DIP2C: variants seen among roughly 807,000 people sequenced by gnomAD.
DIP2C encodes disco-interacting protein 2 homolog C.
Under a neutral mutation model 192.4 loss-of-function variants are expected in DIP2C, and 33 were observed. The ratio of observed to expected loss-of-function variants is 0.17; its 90% CI spans 0.13 to 0.23. The LOEUF (loss-of-function observed/expected upper bound fraction) is 0.23. Ranked by LOEUF, DIP2C falls within the 10% of genes least tolerant of loss-of-function variation. The probability of loss-of-function intolerance (pLI) is 1.00; values close to 1 mark genes in which losing one functional copy is unlikely to be tolerated. For synonymous variants in DIP2C, 979 were observed against 864.1 expected (o/e 1.13, Z -2.33); for missense variants, 1,537 against 2,110.1 (o/e 0.73, Z 5.32).
intron 12 of DIP2C, 84 bp from the exon 13 acceptor site, chr10:390,177 A>C: frequency 6.3e-7 from 1 of 1,587,536 alleles, no homozygotes; most frequent in Non-Finnish European, 8.6e-7. Flanking sequence ...CAAGTCCCTG[A>C]ATTTTGGCAC....
intron 29 of DIP2C, among the ~76,000 whole-genome samples, chr10:339,937 G>A (rs563636338): frequency 3.7e-4 from 57 of 152,202 alleles, no homozygotes; most frequent in South Asian, 6.2e-4. Flanking sequence ...GTGCGGTGGC[G>A]CACGAGGGCG....
chr10:606,065 C>T (rs914468681), intron 1 of DIP2C, among the ~76,000 whole-genome samples: 1 of 152,248 alleles, frequency 6.6e-6, no homozygotes, highest in Non-Finnish European at 1.5e-5. Flanking sequence ...GCGAGAACCC[C>T]CGGAGCCTGC....
chr10:422,239 C>T lies in DIP2C; in HGVS notation c.604+585G>A, dbSNP rs116923792. Among the ~76,000 whole-genome samples, 190 of 152,304 alleles carry T rather than the reference C, an allele frequency of 1.2e-3. No homozygotes were observed. In the East Asian group the frequency reaches 0.013, roughly 11 times the overall value. ...ACTACTGAACCGTTCAAAGGCAGAG[C>T]GACGTGAGGCCCATCACCGCTCCCC... On this transcript the variant is annotated intron_variant, in intron 5 of 36. Transcript: ENST00000280886.
At position 568,539 on chromosome 10, in the gene DIP2C, G is replaced by A. The variant is rs541982402; in HGVS notation, c.86-82009C>T. On this transcript the variant is annotated intron_variant, in intron 1 of 36. Transcript: ENST00000280886. ...TCCCAGCACTTTGGGAGGCCGAGAC[G>A]GGCGGATCATGAGGTCAGGAGATCG... Among the ~76,000 whole-genome samples the A allele has an allele frequency of 2.5e-3, 377 of 152,002 alleles. 4 individuals carry two copies. Among genetic ancestry groups the A allele is most frequent in the African/African-American group, 8.4e-3 (348 of 41,488 alleles).
chr10:476,800 A>C (rs1366846007), intron 2 of DIP2C, among the ~76,000 whole-genome samples: 1 of 152,166 alleles, frequency 6.6e-6, no homozygotes, highest in Non-Finnish European at 1.5e-5. Flanking sequence ...TCCCATTATG[A>C]AAATTAAGAA....
intron 1 of DIP2C, among the ~76,000 whole-genome samples, chr10:551,326 C>T (rs928901910): frequency 1.3e-5 from 2 of 152,124 alleles, no homozygotes; most frequent in South Asian, 2.1e-4. Flanking sequence ...CCTGAGACAC[C>T]CCAAGGGGCA....
chr10:437,343 G>A (rs1967346177), intron 4 of DIP2C, among the ~76,000 whole-genome samples: 1 of 139,862 alleles, frequency 7.1e-6, no homozygotes, highest in African/African-American at 2.7e-5. Flanking sequence ...ATGGTAGGGT[G>A]GCCATGCTCC....
At chr10:637,711 A>ACTCCC (rs2131917092) in intron 1 of DIP2C, among the ~76,000 whole-genome samples, 1 of 152,334 alleles carries the variant, frequency 6.6e-6, no homozygotes, top group African/African-American at 2.4e-5. Flanking sequence ...GTTTAAAGGC[A>ACTCCC]TTTTTGCTTC....
At chr10:507,169 T>A (rs542285722) in intron 1 of DIP2C, among the ~76,000 whole-genome samples, 6 of 149,914 alleles carry the variant, frequency 4.0e-5, no homozygotes, top group Non-Finnish European at 8.9e-5. Flanking sequence ...GTTACAGACC[T>A]GGTCACCAGC....
chr10:415,557 T>C (rs370960318), intron 7 of DIP2C, among the ~76,000 whole-genome samples: 2 of 152,028 alleles, frequency 1.3e-5, no homozygotes, highest in Non-Finnish European at 2.9e-5. Context: ...CAAAATCAAC[T>C]CCCACAGAGG....
In DIP2C at chr10:277,550, C is replaced by A; in HGVS notation, c.4446G>T (p.Leu1482Phe). Residue 1482 changes from leucine (L) to phenylalanine (F), a missense_variant, in exon 37 of 37, where the codon TTG becomes TTT. Physicochemically the swap from Leu to Phe is conservative, Grantham distance 22. Around this residue, in one of 4 missense-constraint regions of DIP2C, gnomAD observed 341 missense variants for 551.7 expected, o/e 0.62. Transcript: ENST00000280886. Reference sequence around the variant, plus strand: ...ACCCATCCAGCTCAACCACAACCACCAACAAATTTGTCCAGGTAAACACAG... The same window carrying A: ...ACCCATCCAGCTCAACCACAACCACAAACAAATTTGTCCAGGTAAACACAG... ...ECAVFTWTNL[L>F]VVVVELDGSE... The A allele has an allele frequency of 6.2e-7, 1 of 1,614,088 alleles. No homozygotes were observed. The highest frequency in any genetic ancestry group is 8.5e-7 in the Non-Finnish European group (1 of 1,180,030).
intron 1 of DIP2C, among the ~76,000 whole-genome samples, chr10:521,836 C>A (rs1846725644): frequency 6.6e-6 from 1 of 152,114 alleles, no homozygotes; most frequent in African/African-American, 2.4e-5. Flanking sequence ...ACAGAGTCCT[C>A]ACGTATCTCC....
At chr10:625,042 C>T (rs971650057) in intron 1 of DIP2C, among the ~76,000 whole-genome samples, 1 of 152,124 alleles carries the variant, frequency 6.6e-6, no homozygotes, top group African/African-American at 2.4e-5. Context: ...GCTGCCCAGC[C>T]CTCCTGGAGC....
At chr10:342,247 C>T (rs1354682541) in intron 28 of DIP2C, among the ~76,000 whole-genome samples, 1 of 152,176 alleles carries the variant, frequency 6.6e-6, no homozygotes, top group Non-Finnish European at 1.5e-5. Flanking sequence ...CAAACTCCGC[C>T]TCCCAGGTTC....
chr10:500,825 T>C (rs1190206606), intron 1 of DIP2C, among the ~76,000 whole-genome samples: 2 of 152,200 alleles, frequency 1.3e-5, no homozygotes, highest in Non-Finnish European at 2.9e-5. Flanking sequence ...ATGACTGCGA[T>C]GTCTCCCCCC....
intron 1 of DIP2C, among the ~76,000 whole-genome samples, chr10:611,522 A>T (rs1271524538): frequency 6.6e-6 from 1 of 152,148 alleles, no homozygotes; most frequent in Non-Finnish European, 1.5e-5. Flanking sequence ...CAGATGGGGC[A>T]TCCTATTTGT....
intron 1 of DIP2C, among the ~76,000 whole-genome samples, chr10:591,468 C>G (rs968356828): frequency 6.6e-6 from 1 of 152,204 alleles, no homozygotes; most frequent in Admixed American, 6.5e-5. Flanking sequence ...ACCCACTCCC[C>G]TATTTTGTTA....
intron 24 of DIP2C, among the ~76,000 whole-genome samples, chr10:350,602 C>G (rs1042887153): frequency 1.3e-5 from 2 of 148,732 alleles, no homozygotes; most frequent in African/African-American, 5.0e-5. Flanking sequence ...ACTGCAGAGC[C>G]GAAGAGTGAC....
chr10:411,833 A>G (rs1008572661), intron 8 of DIP2C, among the ~76,000 whole-genome samples: 1 of 152,242 alleles, frequency 6.6e-6, no homozygotes, highest in Non-Finnish European at 1.5e-5. Flanking sequence ...TTCTACGCAG[A>G]TGGCGCTTTC....
Sources: gnomAD v4.1 joint callset for allele counts (sites outside exome capture counted in the v4.1 genomes callset) on GRCh38, gnomAD v4.1.1 for gene constraint, gnomAD v4.1.1 regional missense constraint, MANE v1.5 for transcripts, NCBI Gene and HGNC (gene_info 2026-07-23, HGNC 2026-07-21) for gene names.